SHISA9: variants seen among roughly 807,000 people sequenced by gnomAD.
SHISA9 encodes protein shisa-9.
SHISA9 carries 13 observed loss-of-function variants against 38.0 expected under a neutral mutation model. The observed-to-expected ratio is 0.34, with a 90% CI of 0.22 to 0.54. SHISA9 has a LOEUF of 0.54. Among genes scored for constraint, SHISA9 ranks in the 20% least tolerant of loss-of-function variants. The probability of loss-of-function intolerance (pLI) is 0.91; values close to 1 mark genes in which losing one functional copy is unlikely to be tolerated. For missense variants in SHISA9, 538 were observed against 575.8 expected, an observed-to-expected ratio of 0.93 and a Z score of 0.67; for synonymous variants, 275 against 242.0, an observed-to-expected ratio of 1.14 and a Z score of -1.27.
At chr16:13,529,374 A>T in the SHISA9 span, among the ~76,000 whole-genome samples, 1 of 152,176 alleles carries the variant, frequency 6.6e-6, no homozygotes, top group African/African-American at 2.4e-5. Context: ...GCTGACTCCA[A>T]GTTTTTAGAC....
chr16:13,553,814 A>G, the SHISA9 span, among the ~76,000 whole-genome samples: 1 of 152,228 alleles, frequency 6.6e-6, no homozygotes, highest in Non-Finnish European at 1.5e-5. Context: ...TTAACTCCTT[A>G]CAATTGAGCA....
intron 2 of SHISA9, among the ~76,000 whole-genome samples, chr16:13,178,073 TCA>T (rs2050746791): frequency 6.6e-6 from 1 of 152,170 alleles, no homozygotes; most frequent in South Asian, 2.1e-4. Context: ...GAGTGAATAA[TCA>T]CATCGATTTT....
Position 13,212,904 on chromosome 16 carries a change from T to C in SHISA9, c.848-349T>C, listed in dbSNP as rs138392161. On this transcript the variant is annotated intron_variant, in intron 3 of 4. Transcript: ENST00000558583. Reference sequence around the variant, plus strand: ...TTGAGCCAAGGTGAGCTCATATAACTCAAACTTTCCTTTCTTTCTAAGCAG... The same window carrying C: ...TTGAGCCAAGGTGAGCTCATATAACCCAAACTTTCCTTTCTTTCTAAGCAG... 3.3e-5 allele frequency among the ~76,000 whole-genome samples: 5 copies of C among 152,300 alleles called. No individual in the cohort carries two copies. The East Asian group carries it at 9.6e-4, about 29-fold the overall frequency.
chr16:13,511,291 T>G, the SHISA9 span, among the ~76,000 whole-genome samples: 29 of 152,204 alleles, frequency 1.9e-4, no homozygotes, highest in African/African-American at 6.8e-4. Flanking sequence ...CAAAACATTA[T>G]TTCAAACAAA....
chr16:13,369,122 G>C, the SHISA9 span, among the ~76,000 whole-genome samples: 1 of 152,122 alleles, frequency 6.6e-6, no homozygotes, highest in African/African-American at 2.4e-5. Flanking sequence ...AAAAAAGCAA[G>C]CTGCAGAATA....
intron 2 of SHISA9, among the ~76,000 whole-genome samples, chr16:13,047,410 T>A (rs183045624): frequency 2.2e-4 from 34 of 152,186 alleles, no homozygotes; most frequent in Non-Finnish European, 4.3e-4. Flanking sequence ...CTAGAACATA[T>A]CCAGCCCCAG....
At chr16:12,975,652 G>C (rs948222554) in intron 2 of SHISA9, among the ~76,000 whole-genome samples, 1 of 145,190 alleles carries the variant, frequency 6.9e-6, no homozygotes, top group African/African-American at 2.6e-5. Context: ...GGGTGGGACG[G>C]GGGCGGGGGG....
the SHISA9 span, among the ~76,000 whole-genome samples, chr16:13,363,232 CAATTT>C: frequency 2.6e-5 from 4 of 152,316 alleles, no homozygotes; most frequent in South Asian, 6.2e-4. Flanking sequence ...AGCAAAATAA[CAATTT>C]AATATCACAA....
At chr16:13,361,870 C>G in the SHISA9 span, among the ~76,000 whole-genome samples, 1 of 152,126 alleles carries the variant, frequency 6.6e-6, no homozygotes, top group African/African-American at 2.4e-5. Context: ...CTAATTATTT[C>G]CACTATGTGT....
At chr16:13,401,516 T>C in the SHISA9 span, among the ~76,000 whole-genome samples, 1 of 151,530 alleles carries the variant, frequency 6.6e-6, no homozygotes, top group South Asian at 2.1e-4. Context: ...TATTTGAACA[T>C]ATGGTCTGTG....
At chr16:13,154,469 C>T (rs2050525768) in intron 2 of SHISA9, among the ~76,000 whole-genome samples, 1 of 152,174 alleles carries the variant, frequency 6.6e-6, no homozygotes, top group Non-Finnish European at 1.5e-5. Context: ...TGTGCTTTTC[C>T]CCTCCATCAT....
the SHISA9 span, among the ~76,000 whole-genome samples, chr16:13,549,937 C>T: frequency 2.0e-5 from 3 of 151,444 alleles, no homozygotes; most frequent in African/African-American, 2.4e-5. Flanking sequence ...GCAGGAGAAT[C>T]GCTTGAACCC....
chr16:13,509,072 T>C, the SHISA9 span, among the ~76,000 whole-genome samples: 1 of 152,162 alleles, frequency 6.6e-6, no homozygotes, highest in African/African-American at 2.4e-5. Context: ...AAATTAGCTT[T>C]CGTGAATAGG....
chr16:13,547,735 A>G, the SHISA9 span, among the ~76,000 whole-genome samples: 1 of 152,218 alleles, frequency 6.6e-6, no homozygotes, highest in East Asian at 1.9e-4. Context: ...AAATAAATGG[A>G]AAGATATCCC....
intron 2 of SHISA9, among the ~76,000 whole-genome samples, chr16:12,941,028 C>T (rs983122949): frequency 6.6e-6 from 1 of 152,144 alleles, no homozygotes; most frequent in Non-Finnish European, 1.5e-5. Context: ...GAGTGAGGCA[C>T]ACAGTTGGAA....
At chr16:13,339,435 C>T in the SHISA9 span, among the ~76,000 whole-genome samples, 1 of 152,150 alleles carries the variant, frequency 6.6e-6, no homozygotes, top group Non-Finnish European at 1.5e-5. Flanking sequence ...CAGTTACAAT[C>T]TGCTGTCTTA....
the SHISA9 span, among the ~76,000 whole-genome samples, chr16:13,333,349 T>C: frequency 1.3e-5 from 2 of 152,100 alleles, no homozygotes; most frequent in South Asian, 4.1e-4. Flanking sequence ...TAAAGGGTGG[T>C]TTTGGGTACA....
At chr16:13,066,103 G>A (rs1478371256) in intron 2 of SHISA9, among the ~76,000 whole-genome samples, 2 of 152,180 alleles carry the variant, frequency 1.3e-5, no homozygotes, top group African/African-American at 4.8e-5. Flanking sequence ...CGAACTTTCA[G>A]AGCCAGTGTC....
intron 2 of SHISA9, among the ~76,000 whole-genome samples, chr16:13,099,944 T>G (rs924756284): frequency 2.0e-5 from 3 of 152,184 alleles, no homozygotes; most frequent in African/African-American, 7.2e-5. Context: ...TCCCTGAATA[T>G]TTCCTTTTAC....
Sources: allele counts gnomAD v4.1 joint callset (sites outside exome capture counted in the v4.1 genomes callset), GRCh38; gene constraint gnomAD v4.1.1; transcripts MANE v1.5; gene names NCBI Gene and HGNC (gene_info 2026-07-23, HGNC 2026-07-21).